The following TBL1X variants were observed in gnomAD, a reference collection of about 807,000 sequenced individuals.
TBL1X encodes the protein F-box-like/WD repeat-containing protein TBL1X.
TBL1X carries 10 observed loss-of-function variants against 50.7 expected under a neutral mutation model. The observed-to-expected ratio is 0.20, with a 90% CI of 0.12 to 0.33. TBL1X has a LOEUF of 0.33. Ranked by LOEUF, TBL1X falls within the 10% of genes least tolerant of loss-of-function variation. The pLI is 1.00. For missense variants in TBL1X, 340 were observed against 504.4 expected, an observed-to-expected ratio of 0.67 and a Z score of 3.12; for synonymous variants, 190 against 214.7, an observed-to-expected ratio of 0.88 and a Z score of 1.01.
chrX:9,498,427 A>G (rs781265417), intron 1 of TBL1X, among the ~76,000 whole-genome samples: 3 of 112,467 alleles, frequency 2.7e-5, no homozygotes, highest in East Asian at 5.6e-4. Context: ...CTGGAAACCT[A>G]TAGGCCCTGG....
rs1298641999 is a variant in TBL1X at position 9,526,764 on chromosome X, A to G, written c.-131+24915A>G. On this transcript the variant is annotated intron_variant, in intron 2 of 17. Transcript: ENST00000645353. Reference sequence around the variant, plus strand: ...TTATGGCCACTGACTTTTGAATTTCATAGAATATTCTGTAAGCATGTGTCA... The same window carrying G: ...TTATGGCCACTGACTTTTGAATTTCGTAGAATATTCTGTAAGCATGTGTCA... Among the ~76,000 whole-genome samples the G allele has an allele frequency of 1.8e-5, 2 of 112,295 alleles. 1 individual carries two copies. Among genetic ancestry groups the G allele is most frequent in the Middle Eastern group, 8.4e-3 (2 of 239 alleles).
rs1388474580 is a variant in TBL1X, at chrX:9,702,479, A to AT, written c.1115-2513dup. Among the ~76,000 whole-genome samples, 65 of 105,378 alleles carry AT rather than the reference A, an allele frequency of 6.2e-4. 1 individual carries two copies. The highest frequency in any genetic ancestry group is 1.1e-3 in the Non-Finnish European group (59 of 51,404). 91.5% of individuals were successfully genotyped at this position (105,378 alleles called of 115,157 possible). A position where few individuals can be genotyped will look rare whatever the true frequency, so the allele number is the denominator to read the frequency against. ...AAAAAAACTGGGCATGGTGGCACAC[A>AT]TGTATAGTCCCAGCTACTCGAGAGA... On this transcript the variant is annotated intron_variant, in intron 12 of 17. Transcript: ENST00000645353.
rs1441392878 is a variant in TBL1X at position 9,479,304 on chromosome X, G to T, written c.-201+13857G>T. Among the ~76,000 whole-genome samples, 5 of 111,732 alleles carry T rather than the reference G, an allele frequency of 4.5e-5. No homozygotes were observed. The Admixed American group carries it at 4.7e-4, about 11-fold the overall frequency. ...CTACTAAAAATACAAAAATTAGCCGGGTGTGGTAGCACACGCCTGTAATCC... is the reference window on the plus strand; with the variant it reads ...CTACTAAAAATACAAAAATTAGCCGTGTGTGGTAGCACACGCCTGTAATCC... On this transcript the variant is annotated intron_variant, in intron 1 of 17. Coordinates refer to ENST00000645353, the MANE Select transcript of TBL1X (RefSeq NM_005647.4).
intron 2 of TBL1X, among the ~76,000 whole-genome samples, chrX:9,568,196 C>T (rs941105637): frequency 3.6e-5 from 4 of 111,754 alleles, no homozygotes; most frequent in African/African-American, 6.5e-5. Context: ...GTCCTCTTTT[C>T]GTGGCATGTT....
chrX:9,525,912 C>G (rs1167637780), intron 2 of TBL1X, among the ~76,000 whole-genome samples: 1 of 111,171 alleles, frequency 9.0e-6, no homozygotes, highest in Admixed American at 9.6e-5. Flanking sequence ...ATGTGGTTTT[C>G]TTTCCTCTTT....
intron 1 of TBL1X, among the ~76,000 whole-genome samples, chrX:9,483,410 T>C (rs977796359): frequency 1.8e-5 from 2 of 112,301 alleles, no homozygotes; most frequent in African/African-American, 6.5e-5. Context: ...TTAGAAGTAT[T>C]CATTTACAAA....
Position 9,688,163 on chromosome X carries a change from C to CACGGCAGCA in TBL1X, c.505_513dup (p.Thr169_Ala171dup). On this transcript the variant is annotated inframe_insertion, in exon 7 of 18. Transcript: ENST00000645353. ...GTGCGGCGGCGGCGGCGGCTGCGGCCACGGCAGCAGCGACAGCAGCCACCA... is the reference window on the plus strand; with the variant it reads ...GTGCGGCGGCGGCGGCGGCTGCGGCCACGGCAGCAACGGCAGCAGCGACAGCAGCCACCA... The CACGGCAGCA allele has an allele frequency of 8.3e-7, 1 of 1,197,961 alleles. No individual in the cohort carries two copies. Among genetic ancestry groups the CACGGCAGCA allele is most frequent in the African/African-American group, 1.7e-5 (1 of 57,414 alleles).
chrX:9,466,681 G>T (rs1281472381), intron 1 of TBL1X, among the ~76,000 whole-genome samples: 2 of 112,389 alleles, frequency 1.8e-5, no homozygotes, highest in Admixed American at 9.4e-5. Context: ...AAGGTTCCAG[G>T]CAGTGGCTTT....
At chrX:9,671,096 A>AC (rs1422701996) in intron 5 of TBL1X, among the ~76,000 whole-genome samples, 12 of 111,209 alleles carry the variant, frequency 1.1e-4, no homozygotes, top group African/African-American at 3.6e-4. Context: ...GTATGTTGGG[A>AC]CCCCCCAAGA....
chrX:9,717,088 C>T lies in TBL1X; in HGVS notation c.*842C>T, dbSNP rs1215676405. The T allele has an allele frequency of 2.7e-5, 3 of 109,171 alleles. No homozygotes were observed. Among genetic ancestry groups the T allele is most frequent in the African/African-American group, 1.0e-4 (3 of 29,627 alleles). 9.0% of individuals were successfully genotyped at this position (109,171 alleles called of 1,213,427 possible). The stretch of plus-strand genomic sequence containing the variant: ...TTTCTCACTGGCGTGCTCTCTTTCT[C>T]TCTCTCTCTCCCTCTGTACCTTTCT... On this transcript the variant is annotated 3_prime_UTR_variant, in exon 18 of 18. Transcript: ENST00000645353.
chrX:9,569,659 C>T (rs1228220381), intron 2 of TBL1X, among the ~76,000 whole-genome samples: 1 of 111,537 alleles, frequency 9.0e-6, no homozygotes, highest in African/African-American at 3.3e-5. Context: ...GAGTGAGACC[C>T]TGGCTCAAGA....
intron 2 of TBL1X, among the ~76,000 whole-genome samples, chrX:9,580,560 T>C (rs1415561254): frequency 9.0e-6 from 1 of 111,498 alleles, no homozygotes; most frequent in Non-Finnish European, 1.9e-5. Context: ...CCCAGCTGGA[T>C]TTTCCCTTTA....
intron 2 of TBL1X, among the ~76,000 whole-genome samples, chrX:9,619,326 A>G (rs996424078): frequency 1.8e-5 from 2 of 112,088 alleles, no homozygotes; most frequent in African/African-American, 6.5e-5. Context: ...TCATCTGCCA[A>G]TACTTTGTGG....
At chrX:9,539,717 C>T (rs1444333105) in intron 2 of TBL1X, among the ~76,000 whole-genome samples, 2 of 112,400 alleles carry the variant, frequency 1.8e-5, no homozygotes, top group South Asian at 3.7e-4. Context: ...GGCAGGCCCA[C>T]GTCATCCTCG....
At chrX:9,712,244 G>T (rs6640478) in intron 16 of TBL1X, among the ~76,000 whole-genome samples, 3 of 113,147 alleles carry the variant, frequency 2.7e-5, no homozygotes, top group African/African-American at 3.2e-5. Context: ...GCTCCCTTAC[G>T]GAGCAGACCA....
intron 2 of TBL1X, among the ~76,000 whole-genome samples, chrX:9,579,768 A>G (rs1240403030): frequency 9.0e-6 from 1 of 110,929 alleles, no homozygotes; most frequent in East Asian, 2.8e-4. Context: ...CCCTTGACAC[A>G]CTACCTTTTC....
chrX:9,603,021 A>G (rs928141033), intron 2 of TBL1X, among the ~76,000 whole-genome samples: 1 of 112,544 alleles, frequency 8.9e-6, no homozygotes, highest in Non-Finnish European at 1.9e-5. Flanking sequence ...AGATTTGTTT[A>G]CTTTTCAGAC....
chrX:9,707,751 C>T (rs952274042), intron 13 of TBL1X, among the ~76,000 whole-genome samples: 2 of 112,239 alleles, frequency 1.8e-5, no homozygotes, highest in Non-Finnish European at 3.8e-5. Flanking sequence ...GACACCCATG[C>T]GTGTGCACAC....
At chrX:9,697,630 G>A (rs887263200) in intron 12 of TBL1X, among the ~76,000 whole-genome samples, 1 of 111,883 alleles carries the variant, frequency 8.9e-6, no homozygotes, top group East Asian at 2.8e-4. Context: ...AACTAGCCAG[G>A]CGTGGTGGTC....
Sources: allele counts gnomAD v4.1 joint callset (sites outside exome capture counted in the v4.1 genomes callset), GRCh38; gene constraint gnomAD v4.1.1; transcripts MANE v1.5; gene names NCBI Gene and HGNC (gene_info 2026-07-23, HGNC 2026-07-21).